Variants in HPSE2 observed in about 807,000 individuals in gnomAD.
The protein encoded by HPSE2 is heparanase 2 (inactive), also known as inactive heparanase-2.
HPSE2 carries 38 observed loss-of-function variants against 60.5 expected under a neutral mutation model. The ratio of observed to expected loss-of-function variants is 0.63; its 90% CI spans 0.48 to 0.82. The LOEUF (loss-of-function observed/expected upper bound fraction) is 0.82. Ranked by LOEUF, HPSE2 falls within the 40% of genes least tolerant of loss-of-function variation. The pLI is 0.00. For synonymous variants in HPSE2, 295 were observed against 293.2 expected (o/e 1.01, Z -0.06); for missense variants, 713 against 740.4 (o/e 0.96, Z 0.43).
intron 3 of HPSE2, among the ~76,000 whole-genome samples, chr10:99,103,754 C>G (rs1353858298): frequency 1.3e-5 from 2 of 152,096 alleles, no homozygotes; most frequent in Non-Finnish European, 1.5e-5. Context: ...CTACAGTAAC[C>G]AAAACAGCAT....
At chr10:98,804,563 A>G (rs1480775611) in intron 3 of HPSE2, among the ~76,000 whole-genome samples, 1 of 152,174 alleles carries the variant, frequency 6.6e-6, no homozygotes, top group Admixed American at 6.6e-5. Flanking sequence ...GAGAAATGCA[A>G]ATGAAAACTA....
At chr10:98,571,976 T>C (rs1412429538) in intron 9 of HPSE2, among the ~76,000 whole-genome samples, 2 of 148,150 alleles carry the variant, frequency 1.3e-5, no homozygotes, top group Non-Finnish European at 3.0e-5. Context: ...TCTCGTTCTG[T>C]TGCCCAGGCG....
At chr10:99,236,021 T>A (rs908385171), upstream of HPSE2, among the ~76,000 whole-genome samples, 8 of 137,174 alleles carry the variant, frequency 5.8e-5, no homozygotes, top group Middle Eastern at 3.4e-3. Flanking sequence ...TAATTTTTTT[T>A]AATTTTTTTT....
intron 2 of HPSE2, among the ~76,000 whole-genome samples, chr10:99,220,807 CAAA>C (rs113095503): frequency 8.9e-5 from 5 of 56,480 alleles, no homozygotes; most frequent in Non-Finnish European, 1.5e-4. Flanking sequence ...GACTCCGTCT[CAAA>C]AAAAAAAAAA....
intron 2 of HPSE2, among the ~76,000 whole-genome samples, chr10:99,223,682 A>G (rs1849384276): frequency 1.3e-5 from 2 of 152,188 alleles, no homozygotes; most frequent in African/African-American, 4.8e-5. Flanking sequence ...TTATATCTAT[A>G]TTGGTTTTTG....
chr10:98,940,208 T>C (rs1353186413), intron 3 of HPSE2, among the ~76,000 whole-genome samples: 4 of 142,880 alleles, frequency 2.8e-5, no homozygotes, highest in South Asian at 2.1e-4. Flanking sequence ...CAAAAGCTAG[T>C]AGAAGGCAAG....
At chr10:99,151,727 C>G (rs1190266394) in intron 2 of HPSE2, among the ~76,000 whole-genome samples, 1 of 152,080 alleles carries the variant, frequency 6.6e-6, no homozygotes, top group Non-Finnish European at 1.5e-5. Context: ...CGAAAAGTAA[C>G]AGCAAGACTC....
At chr10:98,490,688 A>G (rs1396205151) in intron 9 of HPSE2, among the ~76,000 whole-genome samples, 1 of 152,184 alleles carries the variant, frequency 6.6e-6, no homozygotes, top group African/African-American at 2.4e-5. Context: ...AGTGGGACTG[A>G]GGTGAAGCTT....
chr10:98,731,886 C>T (rs764033854), intron 4 of HPSE2, among the ~76,000 whole-genome samples: 1 of 152,016 alleles, frequency 6.6e-6, no homozygotes, highest in African/African-American at 2.4e-5. Context: ...CCTAAGGAAT[C>T]CACACACAGG....
chr10:98,618,700 C>G (rs966935901), intron 8 of HPSE2, among the ~76,000 whole-genome samples: 19 of 152,258 alleles, frequency 1.2e-4, no homozygotes, highest in African/African-American at 4.6e-4. Flanking sequence ...CCTCAGCCTC[C>G]CAAGTAGCTG....
Position 99,180,889 on chromosome 10 carries a change from C to CAA in HPSE2, c.449-36492_449-36491dup, listed in dbSNP as rs68033581. ...TGGGCAACAAGGCAAGACTCCATCT[C>CAA]AAAAAAAAAAAAAAAAAAAAAAAAA... On this transcript the variant is annotated intron_variant, in intron 2 of 11. Transcript: ENST00000370552. Among the ~76,000 whole-genome samples the CAA allele has an allele frequency of 1.9e-3, 57 of 29,708 alleles. 3 individuals carry two copies. Among genetic ancestry groups the CAA allele is most frequent in the African/African-American group, 5.2e-3 (24 of 4,636 alleles). 19.5% of individuals were successfully genotyped at this position (29,708 alleles called of 152,430 possible).
chr10:98,667,800 A>C (rs1332364309), intron 6 of HPSE2, among the ~76,000 whole-genome samples: 2 of 152,216 alleles, frequency 1.3e-5, no homozygotes, highest in Non-Finnish European at 2.9e-5. Context: ...AAAGCCATCT[A>C]TGACAAATCC....
At chr10:99,015,813 T>G (rs941071161) in intron 3 of HPSE2, among the ~76,000 whole-genome samples, 2 of 152,144 alleles carry the variant, frequency 1.3e-5, no homozygotes, top group Admixed American at 6.5e-5. Context: ...AAACTTAAAG[T>G]ATAATTAAAA....
chr10:98,992,583 G>A lies in HPSE2; in HGVS notation c.610+151655C>T, dbSNP rs145333622. ...TCATTGAGTACCTACTATGTACAAG[G>A]CATTGGGCTAGATCTGTCAAGAAAA... On this transcript the variant is annotated intron_variant, in intron 3 of 11. Transcript: ENST00000370552. Among the ~76,000 whole-genome samples, 649 of 152,210 alleles carry A rather than the reference G, an allele frequency of 4.3e-3. 5 individuals are homozygous for A. Among genetic ancestry groups the A allele is most frequent in the Non-Finnish European group, 6.1e-3 (417 of 68,014 alleles).
chr10:98,687,472 A>G (rs2134152935), intron 6 of HPSE2, among the ~76,000 whole-genome samples: 1 of 152,242 alleles, frequency 6.6e-6, no homozygotes, highest in Middle Eastern at 3.4e-3. Flanking sequence ...GTCCCTCTGG[A>G]TATTCCAGAA....
intron 3 of HPSE2, among the ~76,000 whole-genome samples, chr10:98,839,669 T>C (rs1036022094): frequency 6.6e-6 from 1 of 152,216 alleles, no homozygotes; most frequent in African/African-American, 2.4e-5. Context: ...TATAAAGGAA[T>C]GTGGGAAGAT....
At chr10:98,747,264 G>T (rs1949652351) in intron 3 of HPSE2, among the ~76,000 whole-genome samples, 1 of 151,872 alleles carries the variant, frequency 6.6e-6, no homozygotes, top group Admixed American at 6.6e-5. Context: ...ATAATTTTTG[G>T]TTTCATTTAT....
At chr10:98,490,253 A>G in intron 9 of HPSE2, 57 bp from the exon 10 acceptor site, 2 of 1,495,152 alleles carry the variant, frequency 1.3e-6, no homozygotes, top group Non-Finnish European at 1.8e-6. Flanking sequence ...AGGTGTTCTG[A>G]GTAAACATGA....
intron 3 of HPSE2, among the ~76,000 whole-genome samples, chr10:98,922,757 G>A (rs890830623): frequency 8.6e-5 from 13 of 152,012 alleles, no homozygotes; most frequent in South Asian, 2.1e-4. Flanking sequence ...AAACAAACAC[G>A]GAAAAAGAAA....
Sources: gnomAD v4.1 joint callset for allele counts (sites outside exome capture counted in the v4.1 genomes callset) on GRCh38, gnomAD v4.1.1 for gene constraint, MANE v1.5 for transcripts, NCBI Gene and HGNC (gene_info 2026-07-23, HGNC 2026-07-21) for gene names.